CHD5: variants seen among roughly 807,000 people sequenced by gnomAD.
CHD5 encodes ATP-dependent chromatin remodeler CHD5.
Under a neutral mutation model 230.3 loss-of-function variants are expected in CHD5, and 69 were observed. The observed-to-expected ratio is 0.30, with a 90% CI of 0.25 to 0.37. The LOEUF (loss-of-function observed/expected upper bound fraction) is 0.37, where lower values mean the gene tolerates loss of function less well. Among genes scored for constraint, CHD5 ranks in the 10% least tolerant of loss-of-function variants. The pLI is 1.00. For synonymous variants in CHD5, 1,064 were observed against 1,065.9 expected (o/e 1.00, Z 0.03); for missense variants, 1,827 against 2,622.8 (o/e 0.70, Z 6.63).
In CHD5 at chr1:6,106,603, G is replaced by A. The variant is rs1265095588; in HGVS notation, c.5742+13C>T. On this transcript the variant is annotated intron_variant, in intron 39 of 41. Coordinates refer to ENST00000262450, the MANE Select transcript of CHD5 (RefSeq NM_015557.3). The stretch of plus-strand genomic sequence containing the variant: ...CAGGGGGCTCGGGCCGGGGCACACA[G>A]GCCGAGCCTGACCTGCTGGATGGTG... The A allele has an allele frequency of 1.3e-6, 2 of 1,557,698 alleles. No individual in the cohort carries two copies. Among genetic ancestry groups the A allele is most frequent in the Non-Finnish European group, 1.7e-6 (2 of 1,151,524 alleles).
intron 11 of CHD5, 38 bp from the exon 12 acceptor site, chr1:6,144,193 G>GT (rs1461483842): frequency 6.2e-7 from 1 of 1,612,924 alleles, no homozygotes; most frequent in East Asian, 2.2e-5. Flanking sequence ...GCTCAGAGCA[G>GT]TGGCCACAGC....
intron 25 of CHD5, among the ~76,000 whole-genome samples, 163 bp downstream of exon 25, chr1:6,127,883 G>A (rs1666586493): frequency 6.6e-6 from 1 of 151,866 alleles, no homozygotes; most frequent in Non-Finnish European, 1.5e-5. Context: ...GGAGTGCGGG[G>A]CACAGCAGGG....
intron 15 of CHD5, among the ~76,000 whole-genome samples, chr1:6,139,720 T>C (rs1319946308): frequency 6.6e-6 from 1 of 152,176 alleles, no homozygotes; most frequent in African/African-American, 2.4e-5. Context: ...CCAGCTGAAC[T>C]GTACTTTTAA....
At chr1:6,177,323 A>C (rs1001331606) in intron 1 of CHD5, among the ~76,000 whole-genome samples, 4 of 152,196 alleles carry the variant, frequency 2.6e-5, no homozygotes, top group Non-Finnish European at 5.9e-5. Flanking sequence ...ACTTGACAGG[A>C]GGCCTGGCTA....
intron 20 of CHD5, 152 bp downstream of exon 20, chr1:6,133,976 G>A (rs898264712): frequency 2.7e-5 from 19 of 715,176 alleles, no homozygotes; most frequent in African/African-American, 5.3e-5. Flanking sequence ...GCCAGGGCAC[G>A]GGGGAGTGAC....
rs572717001 is a variant in CHD5, at chr1:6,142,020, C to T, written c.2436+108G>A. ...CAAGCCCCTCAGAGCCTGCCGGCCTCGGTAGCCCTCCCAGGCTGAGGGACC... is the reference window on the plus strand; with the variant it reads ...CAAGCCCCTCAGAGCCTGCCGGCCTTGGTAGCCCTCCCAGGCTGAGGGACC... On this transcript the variant is annotated intron_variant, in intron 15 of 41. Coordinates refer to ENST00000262450, the MANE Select transcript of CHD5 (RefSeq NM_015557.3). This position sits in a 1 kb window ranked among gnomAD's most constrained non-coding sequence, Gnocchi z 5.2. 1.6e-4 allele frequency: 159 copies of T among 974,802 alleles called. No homozygotes were observed. The African/African-American group carries it at 1.7e-3, about 10-fold the overall frequency. 60.4% of individuals were successfully genotyped at this position (974,802 alleles called of 1,614,324 possible).
intron 3 of CHD5, among the ~76,000 whole-genome samples, chr1:6,158,808 C>G (rs894833176): frequency 2.0e-5 from 3 of 151,548 alleles, no homozygotes; most frequent in African/African-American, 7.3e-5. Context: ...GAGATCGAGA[C>G]CATCCCGGCT....
At chr1:6,170,846 G>A (rs1241049801) in intron 1 of CHD5, among the ~76,000 whole-genome samples, 1 of 152,226 alleles carries the variant, frequency 6.6e-6, no homozygotes, top group Non-Finnish European at 1.5e-5. Flanking sequence ...GTGGGGCAGT[G>A]GCAGGGCTGG....
At chr1:6,109,588 G>C (rs1354660042) in intron 38 of CHD5, among the ~76,000 whole-genome samples, 1 of 152,196 alleles carries the variant, frequency 6.6e-6, no homozygotes, top group Non-Finnish European at 1.5e-5. Context: ...AAACAGGCTG[G>C]AGAAGCAAGC....
chr1:6,107,711 T>C (rs1231515065), intron 38 of CHD5, among the ~76,000 whole-genome samples: 3 of 122,558 alleles, frequency 2.4e-5, no homozygotes, highest in African/African-American at 9.6e-5. Context: ...GATGGAGAGA[T>C]GGAGGGATGA....
At chr1:6,160,679 A>G (rs1667162606) in intron 2 of CHD5, among the ~76,000 whole-genome samples, 1 of 152,268 alleles carries the variant, frequency 6.6e-6, no homozygotes, top group Admixed American at 6.5e-5. Context: ...TGGATGGCAC[A>G]AGCCCACCTT....
At chr1:6,179,124 T>G (rs112989441) in intron 1 of CHD5, among the ~76,000 whole-genome samples, 94 of 152,310 alleles carry the variant, frequency 6.2e-4, no homozygotes, top group African/African-American at 2.0e-3. Flanking sequence ...CGCACAGCCC[T>G]GTGTATACTA....
At chr1:6,174,947 G>GGGTGGATGGATGGAT (rs1376520779) in intron 1 of CHD5, among the ~76,000 whole-genome samples, 2 of 147,182 alleles carry the variant, frequency 1.4e-5, no homozygotes, top group Non-Finnish European at 3.0e-5. Flanking sequence ...GATGGTGGGT[G>GGGTGGATGGATGGAT]GGTGGATGGA....
In CHD5 at chr1:6,149,033, C is replaced by A; in HGVS notation, c.1204G>T (p.Glu402Ter). 1 of 1,593,810 alleles carries A rather than the reference C, an allele frequency of 6.3e-7. No individual in the cohort carries two copies. The highest frequency in any genetic ancestry group is 8.5e-7 in the Non-Finnish European group (1 of 1,170,780). Residue 402 changes from glutamate (E) to a stop codon, truncating the protein, a stop_gained, in exon 9 of 42, where the codon GAA becomes TAA. Coordinates refer to ENST00000262450, the MANE Select transcript of CHD5 (RefSeq NM_015557.3). LOFTEE classifies it high-confidence loss of function. The stretch of plus-strand genomic sequence containing the variant: ...TCCTCGCAGCCGCCCTCCTCCTCTT[C>A]ATCGTCGTCGTCCTTCGGCTCCCAC... ...IQWEPKDDDD[E>*]EEEGGCEEEE...
rs1667268544 is a variant in CHD5, at chr1:6,167,160, G to C, written c.207+990C>G. ...GGCCAGGCCAGTCCCCTCTAGGCGG[G>C]GGAAAGAAAGGTGGAGAGCTGGCCT... On this transcript the variant is annotated intron_variant, in intron 2 of 41. Coordinates refer to ENST00000262450, the MANE Select transcript of CHD5 (RefSeq NM_015557.3). The surrounding 1 kb of genome is among the most constrained non-coding windows in gnomAD (Gnocchi z 4.5). Among the ~76,000 whole-genome samples the C allele has an allele frequency of 6.6e-6, 1 of 152,190 alleles. No individual in the cohort carries two copies. Among genetic ancestry groups the C allele is most frequent in the Admixed American group, 6.5e-5 (1 of 15,282 alleles).
At chr1:6,143,767 T>G (rs1260211968) in intron 13 of CHD5, 56 bp downstream of exon 13, 1 of 1,482,936 alleles carries the variant, frequency 6.7e-7, no homozygotes, top group Non-Finnish European at 9.4e-7. Flanking sequence ...CATTCAAGTC[T>G]GAGGTGGGCA....
At position 6,134,317 on chromosome 1, in the gene CHD5, C is replaced by T. The variant is rs939955153; in HGVS notation, c.3013-58G>A. 1.7e-5 allele frequency: 27 copies of T among 1,589,858 alleles called. No individual in the cohort carries two copies. The highest frequency in any genetic ancestry group is 2.2e-5 in the Non-Finnish European group (26 of 1,169,278). On this transcript the variant is annotated intron_variant, in intron 19 of 41. Transcript: ENST00000262450. This position sits in a 1 kb window ranked among gnomAD's most constrained non-coding sequence, Gnocchi z 6.3. ...GGCTCCCCTCTCCTCTCTGACTCTG[C>T]ACCAAAGGGGCCGCAGGGAACAGAC...
rs899987241 is a variant in CHD5 at position 6,113,289 on chromosome 1, C to T, written c.4913-291G>A. On this transcript the variant is annotated intron_variant, in intron 33 of 41. Transcript: ENST00000262450. ...AATACAACAACTTAGCTGGGCTTGGCGCCATGCGCCTGTGGTCCCACCTGT... is the reference window on the plus strand; with the variant it reads ...AATACAACAACTTAGCTGGGCTTGGTGCCATGCGCCTGTGGTCCCACCTGT... The T allele has an allele frequency of 1.7e-5, 7 of 415,310 alleles. No individual in the cohort carries two copies. The East Asian group carries it at 2.3e-4, about 14-fold the overall frequency. 25.7% of individuals were successfully genotyped at this position (415,310 alleles called of 1,614,324 possible). A position where few individuals can be genotyped will look rare whatever the true frequency, so the allele number is the denominator to read the frequency against.
intron 1 of CHD5, among the ~76,000 whole-genome samples, chr1:6,177,319 C>T (rs2100891561): frequency 6.6e-6 from 1 of 152,296 alleles, no homozygotes; most frequent in South Asian, 2.1e-4. Flanking sequence ...TGCGACTTGA[C>T]AGGAGGCCTG....
Sources: gnomAD v4.1 joint callset for allele counts (sites outside exome capture counted in the v4.1 genomes callset) on GRCh38, gnomAD v4.1.1 for gene constraint, Gnocchi (gnomAD v3.1) non-coding constraint, MANE v1.5 for transcripts, NCBI Gene and HGNC (gene_info 2026-07-23, HGNC 2026-07-21) for gene names.